RUNX1T1: variants seen among roughly 807,000 people sequenced by gnomAD.
The protein encoded by RUNX1T1 is RUNX1 partner transcriptional co-repressor 1.
Under a neutral mutation model 62.8 loss-of-function variants are expected in RUNX1T1, and 4 were observed. That is an observed-to-expected ratio of 0.06 (90% CI 0.03 to 0.15). The LOEUF (loss-of-function observed/expected upper bound fraction) is 0.15. Ranked by LOEUF, RUNX1T1 falls within the 10% of genes least tolerant of loss-of-function variation. The pLI is 1.00. For missense variants in RUNX1T1, 508 were observed against 754.3 expected (o/e 0.67, Z 3.82); for synonymous variants, 291 against 286.0 (o/e 1.02, Z -0.18).
chr8:91,989,145 T>C (rs572517151), intron 6 of RUNX1T1, among the ~76,000 whole-genome samples: 1 of 152,326 alleles, frequency 6.6e-6, no homozygotes, highest in African/African-American at 2.4e-5. Context: ...AGGATAAAAC[T>C]CTAAGCTTAC....
At chr8:92,005,174 C>T in exon 5 of RUNX1T1, 1 of 1,613,960 alleles carries the variant, frequency 6.2e-7, no homozygotes, top group South Asian at 1.1e-5. Flanking sequence ...TCTGAGGAGT[C>T]AACAGGTGAG....
At chr8:91,978,306 A>G (rs991239482) in intron 8 of RUNX1T1, among the ~76,000 whole-genome samples, 4 of 152,160 alleles carry the variant, frequency 2.6e-5, no homozygotes, top group Non-Finnish European at 5.9e-5. Flanking sequence ...TAAAGTGAGG[A>G]CAATACTACT....
chr8:92,036,465 TG>T (rs1288071885), intron 1 of RUNX1T1, among the ~76,000 whole-genome samples: 1 of 152,200 alleles, frequency 6.6e-6, no homozygotes, highest in African/African-American at 2.4e-5. Flanking sequence ...ATAGAATTTT[TG>T]GAATGTGATC....
chr8:92,084,334 T>C (rs1835763191), intron 1 of RUNX1T1, among the ~76,000 whole-genome samples: 1 of 152,190 alleles, frequency 6.6e-6, no homozygotes, highest in South Asian at 2.1e-4. Flanking sequence ...TTTTATTGTA[T>C]GTTTTTTAGT....
chr8:91,994,218 G>A (rs1378535522), intron 5 of RUNX1T1, among the ~76,000 whole-genome samples: 2 of 152,016 alleles, frequency 1.3e-5, no homozygotes, highest in African/African-American at 2.4e-5. Flanking sequence ...CTTACATATT[G>A]ATCACTGATA....
chr8:92,023,872 C>T (rs1276261747), intron 1 of RUNX1T1, among the ~76,000 whole-genome samples: 1 of 152,112 alleles, frequency 6.6e-6, no homozygotes, highest in African/African-American at 2.4e-5. Flanking sequence ...GCACCTAGTC[C>T]AAGATAGGCA....
At chr8:92,005,138 C>T (rs936224438) in exon 5 of RUNX1T1, 31 of 1,611,070 alleles carry the variant, frequency 1.9e-5, no homozygotes, top group Middle Eastern at 1.6e-4. Context: ...CGCCTCTTCC[C>T]GTTTTCGTTC....
chr8:91,970,726 C>T (rs756883632), exon 10 of RUNX1T1: 12 of 1,613,534 alleles, frequency 7.4e-6, no homozygotes, highest in South Asian at 3.3e-5. Context: ...TTGGCCTCGG[C>T]GACCGTGCGC....
Position 92,007,559 on chromosome 8 carries a change from C to T in RUNX1T1, c.478-2262G>A, listed in dbSNP as rs181121389. ...GATGCATTGTTACATGATTTCGTCA[C>T]GCAAACATCAAAAGCGGGTACTTAA... On this transcript the variant is annotated intron_variant, in intron 4 of 10. Coordinates refer to ENST00000396218, the Ensembl canonical transcript of RUNX1T1. Among the ~76,000 whole-genome samples the T allele has an allele frequency of 3.3e-5, 5 of 152,054 alleles. No individual in the cohort carries two copies. In the East Asian group the frequency reaches 7.7e-4, roughly 24 times the overall value.
upstream of RUNX1T1, among the ~76,000 whole-genome samples, chr8:92,065,052 C>T (rs992467075): frequency 3.3e-5 from 5 of 152,228 alleles, no homozygotes; most frequent in East Asian, 9.7e-4. Flanking sequence ...CAGTTTCCTC[C>T]TCTTATTCTT....
At chr8:92,072,736 C>T (rs1273683019) in intron 2 of RUNX1T1, among the ~76,000 whole-genome samples, 1 of 152,106 alleles carries the variant, frequency 6.6e-6, no homozygotes, top group Non-Finnish European at 1.5e-5. Flanking sequence ...GGGGTAAAGC[C>T]CATTAATGCT....
At chr8:92,007,720 A>G (rs2131053276) in intron 4 of RUNX1T1, among the ~76,000 whole-genome samples, 1 of 152,188 alleles carries the variant, frequency 6.6e-6, no homozygotes, top group South Asian at 2.1e-4. Context: ...ACCATAGAAA[A>G]ACACTTCAGG....
At chr8:92,035,198 G>C (rs1827178662) in intron 1 of RUNX1T1, among the ~76,000 whole-genome samples, 1 of 151,862 alleles carries the variant, frequency 6.6e-6, no homozygotes, top group Non-Finnish European at 1.5e-5. Flanking sequence ...GGGAGGCTGA[G>C]GCAGGAGAAT....
intron 1 of RUNX1T1, among the ~76,000 whole-genome samples, chr8:92,055,234 T>C (rs143129815): frequency 6.6e-6 from 1 of 152,066 alleles, no homozygotes; most frequent in Admixed American, 6.5e-5. Context: ...ACTCAGAAAA[T>C]ATGATCAAAA....
intron 1 of RUNX1T1, among the ~76,000 whole-genome samples, chr8:92,055,820 G>A (rs1830946740): frequency 6.6e-6 from 1 of 152,078 alleles, no homozygotes; most frequent in Non-Finnish European, 1.5e-5. Context: ...TTTCCTCTAC[G>A]TATTTTGTCT....
intron 2 of RUNX1T1, among the ~76,000 whole-genome samples, chr8:92,016,455 T>C (rs532684642): frequency 5.9e-4 from 90 of 152,194 alleles, no homozygotes; most frequent in Middle Eastern, 3.4e-3. Flanking sequence ...GGTGGGAGCA[T>C]CACGAGGTCG....
At chr8:92,062,458 G>T in intron 1 of RUNX1T1, 4 of 1,405,856 alleles carry the variant, frequency 2.8e-6, no homozygotes, top group Non-Finnish European at 4.0e-6. Context: ...ACAACACGCT[G>T]TGGGGCAGAA....
chr8:92,068,358 T>A (rs1418702245), intron 2 of RUNX1T1, among the ~76,000 whole-genome samples: 1 of 152,114 alleles, frequency 6.6e-6, no homozygotes, highest in Non-Finnish European at 1.5e-5. Flanking sequence ...TTAGTTTTGT[T>A]AAAACGCAAG....
At chr8:92,060,551 ATATGT>A (rs1329082016) in intron 1 of RUNX1T1, among the ~76,000 whole-genome samples, 4 of 95,328 alleles carry the variant, frequency 4.2e-5, no homozygotes, top group Non-Finnish European at 2.2e-5. Context: ...ATATATATAT[ATATGT>A]GTGTGTGTGT....
Sources: gnomAD v4.1 joint callset for allele counts (sites outside exome capture counted in the v4.1 genomes callset) on GRCh38, gnomAD v4.1.1 for gene constraint, MANE v1.5 for transcripts, NCBI Gene and HGNC (gene_info 2026-07-23, HGNC 2026-07-21) for gene names.